STEEP1: variants seen among roughly 807,000 people sequenced by gnomAD.
STEEP1 encodes STING1 ER exit protein 1.
A neutral mutation model predicts 19.2 loss-of-function variants in STEEP1; 3 were observed. That is an observed-to-expected ratio of 0.16 (90% CI 0.07 to 0.40). The LOEUF (loss-of-function observed/expected upper bound fraction) is 0.40. STEEP1 is among the 10% of genes least tolerant of loss of function. The probability of loss-of-function intolerance (pLI) is 0.99; values close to 1 mark genes in which losing one functional copy is unlikely to be tolerated. For synonymous variants in STEEP1, 46 were observed against 63.7 expected, an observed-to-expected ratio of 0.72 and a Z score of 1.32; for missense variants, 54 against 177.1, an observed-to-expected ratio of 0.30 and a Z score of 3.94.
intron 2 of STEEP1, among the ~76,000 whole-genome samples, chrX:119,553,933 G>T (rs747440939): frequency 8.9e-6 from 1 of 111,987 alleles, no homozygotes; most frequent in East Asian, 2.8e-4. Flanking sequence ...CTGTCCTAAG[G>T]GTTTCAGAAA....
At chrX:119,544,546 G>GC in intron 3 of STEEP1, 55 bp from the exon 4 acceptor site, 1 of 1,122,884 alleles carries the variant, frequency 8.9e-7, no homozygotes, top group Non-Finnish European at 1.2e-6. Flanking sequence ...TCCCAAAACA[G>GC]CAATTTGCAA....
At chrX:119,564,716 TGA>T (rs1477097916) in intron 1 of STEEP1, among the ~76,000 whole-genome samples, 3 of 110,587 alleles carry the variant, frequency 2.7e-5, no homozygotes, top group Non-Finnish European at 5.7e-5. Context: ...CTACCTGAAG[TGA>T]GGTCAGGAGA....
chrX:119,559,378 C>G lies in STEEP1; in HGVS notation c.242+890G>C, dbSNP rs544078346. ...CGACAATTCAGGTTTCTAAAGCACACCATGTTTGATGCTTTTAATGCTTCC... is the reference window on the plus strand; with the variant it reads ...CGACAATTCAGGTTTCTAAAGCACAGCATGTTTGATGCTTTTAATGCTTCC... On this transcript the variant is annotated intron_variant, in intron 2 of 6. Transcript: ENST00000644802. Among the ~76,000 whole-genome samples the G allele has an allele frequency of 1.6e-4, 18 of 111,407 alleles. 1 individual carries two copies. The South Asian group carries it at 6.4e-3, about 40-fold the overall frequency.
At chrX:119,559,149 C>T (rs1258504093) in intron 2 of STEEP1, among the ~76,000 whole-genome samples, 15 of 108,856 alleles carry the variant, frequency 1.4e-4, no homozygotes, top group Admixed American at 1.2e-3. Context: ...ACCTGGGAGG[C>T]GGAGGTTGCA....
intron 5 of STEEP1, among the ~76,000 whole-genome samples, chrX:119,542,136 G>A (rs747778976): frequency 3.0e-5 from 3 of 101,409 alleles, no homozygotes; most frequent in South Asian, 4.7e-4. Context: ...GCGCAATCTC[G>A]GTTCACTGAA....
At chrX:119,554,636 C>T (rs1473003258) in intron 2 of STEEP1, among the ~76,000 whole-genome samples, 8 of 111,830 alleles carry the variant, frequency 7.2e-5, no homozygotes, top group Non-Finnish European at 3.8e-5. Flanking sequence ...CACATTGCGG[C>T]TTTTGCCTTG....
At chrX:119,543,804 C>T (rs528549538) in intron 4 of STEEP1, among the ~76,000 whole-genome samples, 1 of 111,769 alleles carries the variant, frequency 8.9e-6, no homozygotes, top group African/African-American at 3.2e-5. Context: ...TTTAATTAGC[C>T]TAATTCATTG....
chrX:119,550,404 A>G (rs1006933548), intron 2 of STEEP1, among the ~76,000 whole-genome samples: 1 of 111,518 alleles, frequency 9.0e-6, no homozygotes, highest in African/African-American at 3.3e-5. Context: ...TCTAAAATAA[A>G]CCCATACATA....
At chrX:119,562,164 A>T (rs900785061) in intron 1 of STEEP1, among the ~76,000 whole-genome samples, 11 of 112,238 alleles carry the variant, frequency 9.8e-5, no homozygotes, top group African/African-American at 3.6e-4. Flanking sequence ...TGGGAAGCCA[A>T]GACAGGTGGA....
At chrX:119,548,764 C>A (rs1195574832) in intron 2 of STEEP1, among the ~76,000 whole-genome samples, 1 of 111,253 alleles carries the variant, frequency 9.0e-6, no homozygotes, top group Non-Finnish European at 1.9e-5. Flanking sequence ...TGTGCACTCT[C>A]ATGCTCATTG....
chrX:119,549,886 C>T (rs1003478752), intron 2 of STEEP1, among the ~76,000 whole-genome samples: 3 of 111,837 alleles, frequency 2.7e-5, no homozygotes, highest in Non-Finnish European at 5.6e-5. Context: ...AATCATAGCA[C>T]CACATAAACT....
At chrX:119,545,268 G>A (rs1438917340) in intron 3 of STEEP1, among the ~76,000 whole-genome samples, 195 bp downstream of exon 3, 2 of 107,173 alleles carry the variant, frequency 1.9e-5, no homozygotes, top group African/African-American at 6.8e-5. Flanking sequence ...CAGGAGAATC[G>A]CTTAAACCCA....
intron 1 of STEEP1, 57 bp downstream of exon 1, chrX:119,565,175 T>C: frequency 8.8e-7 from 1 of 1,142,103 alleles, no homozygotes; most frequent in Non-Finnish European, 1.2e-6. Flanking sequence ...GAAATTCGCC[T>C]TCAAGAACCC....
intron 2 of STEEP1, among the ~76,000 whole-genome samples, chrX:119,553,808 G>T (rs926693452): frequency 9.0e-6 from 1 of 111,648 alleles, no homozygotes; most frequent in African/African-American, 3.3e-5. Flanking sequence ...TCAAATAAAT[G>T]GGGCCGCATA....
At chrX:119,550,972 A>G (rs1359303289) in intron 2 of STEEP1, among the ~76,000 whole-genome samples, 1 of 111,535 alleles carries the variant, frequency 9.0e-6, no homozygotes, top group Admixed American at 9.7e-5. Flanking sequence ...CATTTCTTAG[A>G]TATGATGCCT....
intron 2 of STEEP1, among the ~76,000 whole-genome samples, chrX:119,546,552 A>G (rs1021055878): frequency 9.0e-6 from 1 of 111,341 alleles, no homozygotes; most frequent in Admixed American, 9.7e-5. Context: ...CTAGGCCCAC[A>G]GAGTATTACA....
At chrX:119,546,075 TAAC>T (rs772339509) in intron 2 of STEEP1, among the ~76,000 whole-genome samples, 80 of 109,885 alleles carry the variant, frequency 7.3e-4, no homozygotes, top group African/African-American at 2.5e-3. Context: ...GTTGTAGTAA[TAAC>T]AACAACAATA....
intron 5 of STEEP1, among the ~76,000 whole-genome samples, 190 bp from the exon 6 acceptor site, chrX:119,541,610 G>T (rs1380985954): frequency 8.9e-6 from 1 of 112,156 alleles, no homozygotes; most frequent in African/African-American, 3.2e-5. Context: ...TTGCTTGTTT[G>T]TTTGTTTGTT....
intron 2 of STEEP1, among the ~76,000 whole-genome samples, chrX:119,547,553 T>C (rs1306531082): frequency 8.9e-6 from 1 of 112,447 alleles, no homozygotes; most frequent in Admixed American, 9.5e-5. Context: ...TTGCATTTTC[T>C]TTGTTTTGAA....
Sources: allele counts gnomAD v4.1 joint callset (sites outside exome capture counted in the v4.1 genomes callset), GRCh38; gene constraint gnomAD v4.1.1; transcripts MANE v1.5; gene names NCBI Gene and HGNC (gene_info 2026-07-23, HGNC 2026-07-21).